C5orf24: variants seen among roughly 807,000 people sequenced by gnomAD.
The protein encoded by C5orf24 is chromosome 5 open reading frame 24.
A neutral mutation model predicts 9.8 loss-of-function variants in C5orf24; 4 were observed. The observed-to-expected ratio is 0.41, with a 90% confidence interval of 0.20 to 0.93. C5orf24 has a LOEUF of 0.93. C5orf24 is among the 40% of genes least tolerant of loss of function. The pLI is 0.33. For synonymous variants in C5orf24, 73 were observed against 81.3 expected, an observed-to-expected ratio of 0.90 and a Z score of 0.55; for missense variants, 170 against 236.9, an observed-to-expected ratio of 0.72 and a Z score of 1.85.
chr5:134,851,828 A>G (rs1422811709), intron 1 of C5orf24, among the ~76,000 whole-genome samples: 1 of 152,238 alleles, frequency 6.6e-6, no homozygotes. Flanking sequence ...GCACATAACA[A>G]AATCCTAAAA....
intron 1 of C5orf24, among the ~76,000 whole-genome samples, chr5:134,849,332 G>A (rs146451722): frequency 2.8e-4 from 43 of 152,240 alleles, no homozygotes; most frequent in Non-Finnish European, 5.1e-4. Context: ...GCAGGGTTAA[G>A]CTCACATGCA....
At chr5:134,847,711 T>C (rs1756034540) in intron 1 of C5orf24, among the ~76,000 whole-genome samples, 1 of 151,710 alleles carries the variant, frequency 6.6e-6, no homozygotes, top group African/African-American at 2.4e-5. Context: ...TCCTATTTTT[T>C]TTTTTTTTTT....
intron 1 of C5orf24, among the ~76,000 whole-genome samples, chr5:134,849,482 G>C (rs1022287467): frequency 6.6e-6 from 1 of 152,124 alleles, no homozygotes; most frequent in East Asian, 1.9e-4. Flanking sequence ...AGTTCTGTTT[G>C]CGTTTTTAAA....
upstream of C5orf24, chr5:134,845,655 A>C (rs1755968475): frequency 6.6e-6 from 1 of 151,242 alleles, no homozygotes; most frequent in Non-Finnish European, 1.5e-5. Flanking sequence ...AACTCCCCTG[A>C]CTATCATTTA....
the C5orf24 span, among the ~76,000 whole-genome samples, chr5:134,840,604 G>A: frequency 6.6e-5 from 10 of 152,090 alleles, no homozygotes; most frequent in African/African-American, 2.4e-4. Context: ...CGTGATTACA[G>A]CTCACTGCAG....
chr5:134,853,375 A>C (rs1297924016), intron 1 of C5orf24, among the ~76,000 whole-genome samples: 6 of 150,846 alleles, frequency 4.0e-5, no homozygotes, highest in African/African-American at 1.2e-4. Context: ...AAAAAAAAAA[A>C]AAAAACCTGT....
chr5:134,849,581 C>G, intron 1 of C5orf24, among the ~76,000 whole-genome samples: 1 of 148,268 alleles, frequency 6.7e-6, no homozygotes, highest in Non-Finnish European at 1.5e-5. Context: ...GATTTCTTGG[C>G]AGTAGCAGGG....
chr5:134,843,801 C>G (rs747820913), upstream of C5orf24, among the ~76,000 whole-genome samples: 1 of 152,126 alleles, frequency 6.6e-6, no homozygotes, highest in Non-Finnish European at 1.5e-5. Context: ...GGGATCCACC[C>G]GCCTTGGCCT....
chr5:134,857,619 A>G lies in C5orf24; in HGVS notation c.*2152A>G. 1 of 478,874 alleles carries G rather than the reference A, an allele frequency of 2.1e-6. No individual in the cohort carries two copies. The highest frequency in any genetic ancestry group is 3.5e-6 in the Non-Finnish European group (1 of 283,488). The allele number at this position is 478,874 out of a possible 1,614,324, so 29.7% of individuals were successfully genotyped here. ...AAAAGCTTAAAATACAAGATTTTTA[A>G]TAATTTACTCAGAACAGTATAACTT... On this transcript the variant is annotated 3_prime_UTR_variant, in exon 2 of 2. Transcript: ENST00000394976.
chr5:134,841,090 C>T (rs1344198018), upstream of C5orf24, among the ~76,000 whole-genome samples: 1 of 152,132 alleles, frequency 6.6e-6, no homozygotes, highest in Non-Finnish European at 1.5e-5. Context: ...GCAGTAAAGG[C>T]CAGACTGTTC....
chr5:134,841,163 T>A (rs1024959525), upstream of C5orf24, among the ~76,000 whole-genome samples: 10 of 152,186 alleles, frequency 6.6e-5, no homozygotes, highest in Non-Finnish European at 1.3e-4. Flanking sequence ...GTTTCCTCAA[T>A]TTTTTTGGAT....
upstream of C5orf24, among the ~76,000 whole-genome samples, chr5:134,844,879 A>G (rs1054043209): frequency 1.3e-5 from 2 of 152,172 alleles, no homozygotes; most frequent in Non-Finnish European, 2.9e-5. Flanking sequence ...CTGGGATTAC[A>G]GGTGCGCACC....
intron 1 of C5orf24, among the ~76,000 whole-genome samples, chr5:134,849,942 G>C (rs1188110974): frequency 6.7e-6 from 1 of 150,102 alleles, no homozygotes; most frequent in Non-Finnish European, 1.5e-5. Context: ...ACAGGCGTGA[G>C]CTACCACACC....
At chr5:134,844,394 A>G (rs1580835607), upstream of C5orf24, among the ~76,000 whole-genome samples, 1 of 152,142 alleles carries the variant, frequency 6.6e-6, no homozygotes, top group East Asian at 1.9e-4. Flanking sequence ...GCTGGAGTGC[A>G]GTGGCACAAA....
At position 134,856,817 on chromosome 5, in the gene C5orf24, A is replaced by G. The variant is rs1756326855; in HGVS notation, c.*1350A>G. Reference sequence around the variant, plus strand: ...CACAAATTGAATGGTAGACTGTAAAACTGGTATAAACAGAATGCAGTTTCC... The same window carrying G: ...CACAAATTGAATGGTAGACTGTAAAGCTGGTATAAACAGAATGCAGTTTCC... On this transcript the variant is annotated 3_prime_UTR_variant, in exon 2 of 2. Transcript: ENST00000394976. 1 of 1,000,320 alleles carries G rather than the reference A, an allele frequency of 1.0e-6. No individual in the cohort carries two copies. The highest frequency in any genetic ancestry group is 1.2e-6 in the Non-Finnish European group (1 of 830,024). 62.0% of individuals were successfully genotyped at this position (1,000,320 alleles called of 1,614,324 possible).
At chr5:134,848,787 G>A (rs1756070258) in intron 1 of C5orf24, among the ~76,000 whole-genome samples, 1 of 147,438 alleles carries the variant, frequency 6.8e-6, no homozygotes, top group Non-Finnish European at 1.5e-5. Context: ...ATGGTGAAAC[G>A]TCGTCTCTAC....
At chr5:134,842,415 G>A (rs1403687577), upstream of C5orf24, among the ~76,000 whole-genome samples, 8 of 151,904 alleles carry the variant, frequency 5.3e-5, no homozygotes, top group African/African-American at 1.5e-4. Context: ...GCTTGAACCC[G>A]GGAAGTGGAG....
chr5:134,833,696 T>C, the C5orf24 span: 1 of 152,186 alleles, frequency 6.6e-6, no homozygotes, highest in Non-Finnish European at 1.5e-5. Flanking sequence ...AAATTTATTA[T>C]TTTTCTCAGG....
Position 134,855,780 on chromosome 5 carries a change from T to G in C5orf24, c.*313T>G, listed in dbSNP as rs916098422. On this transcript the variant is annotated 3_prime_UTR_variant, in exon 2 of 2. Coordinates refer to ENST00000394976, the MANE Select transcript of C5orf24 (RefSeq NM_001135586.1). ...GGGGCTGTTCTAAATAGATGCTTTATGTGATAAACAACTGAAACCATTATA... is the reference window on the plus strand; with the variant it reads ...GGGGCTGTTCTAAATAGATGCTTTAGGTGATAAACAACTGAAACCATTATA... The G allele has an allele frequency of 1.1e-4, 135 of 1,206,798 alleles. No individual in the cohort carries two copies. Among genetic ancestry groups the G allele is most frequent in the Non-Finnish European group, 1.3e-4 (129 of 957,862 alleles). The allele number at this position is 1,206,798 out of a possible 1,614,324, so 74.8% of individuals were successfully genotyped here. A position where few individuals can be genotyped will look rare whatever the true frequency, so the allele number is the denominator to read the frequency against.
Sources: allele counts gnomAD v4.1 joint callset (sites outside exome capture counted in the v4.1 genomes callset), GRCh38; gene constraint gnomAD v4.1.1; transcripts MANE v1.5; gene names NCBI Gene and HGNC (gene_info 2026-07-23, HGNC 2026-07-21).